The following WDR47 variants were observed in gnomAD, a reference collection of about 807,000 sequenced individuals.
The protein encoded by WDR47 is WD repeat-containing protein 47.
Under a neutral mutation model 97.2 loss-of-function variants are expected in WDR47, and 32 were observed. That is an observed-to-expected ratio of 0.33 (90% CI 0.25 to 0.44). The LOEUF (loss-of-function observed/expected upper bound fraction) is 0.44. Among genes scored for constraint, WDR47 ranks in the 20% least tolerant of loss-of-function variants. The pLI is 1.00. For missense variants in WDR47, 782 were observed against 1,102.3 expected, an observed-to-expected ratio of 0.71 and a Z score of 4.11; for synonymous variants, 375 against 373.5, an observed-to-expected ratio of 1.00 and a Z score of -0.05.
intron 1 of WDR47, among the ~76,000 whole-genome samples, chr1:109,037,717 CAA>C (rs1447491818): frequency 6.7e-6 from 1 of 150,220 alleles, no homozygotes; most frequent in Non-Finnish European, 1.5e-5. Flanking sequence ...ATCACAACAA[CAA>C]GAGTCACAAA....
At chr1:108,975,733 C>G (rs1249629413) in intron 13 of WDR47, among the ~76,000 whole-genome samples, 1 of 149,606 alleles carries the variant, frequency 6.7e-6, no homozygotes, top group Non-Finnish European at 1.5e-5. Flanking sequence ...TCTAGGAAGA[C>G]TTCATAAAAA....
At chr1:109,010,095 C>A (rs1660921710) in intron 5 of WDR47, among the ~76,000 whole-genome samples, 1 of 152,094 alleles carries the variant, frequency 6.6e-6, no homozygotes, top group African/African-American at 2.4e-5. Context: ...CATACTATTA[C>A]TCTTCTATAT....
At position 108,991,311 on chromosome 1, in the gene WDR47, G is replaced by A; in HGVS notation, c.1710C>T (p.Val570=). The A allele has an allele frequency of 6.2e-7, 1 of 1,612,156 alleles. No homozygotes were observed. The highest frequency in any genetic ancestry group is 8.5e-7 in the Non-Finnish European group (1 of 1,178,660). Residue 570 remains valine (V), a synonymous_variant, in exon 9 of 15, where the codon GTC becomes GTT. Coordinates refer to ENST00000369962, the MANE Select transcript of WDR47 (RefSeq NM_001142551.2). ...GAGAATCTCCAAGAGGTGGCTTAAT[G>A]ACCGAATGTTCTGAAGAGCTGTGGG... The part of the protein sequence containing the change: ...CGSQISSEHS[V]IKPPLGDSPG...
chr1:108,995,953 G>C (rs1194017153), intron 7 of WDR47, 116 bp from the exon 8 acceptor site: 1 of 1,066,164 alleles, frequency 9.4e-7, no homozygotes, highest in Non-Finnish European at 1.3e-6. Context: ...ATAATCTATG[G>C]CAAATTTAGT....
intron 13 of WDR47, 27 bp downstream of exon 13, chr1:108,981,706 A>G (rs1280783755): frequency 6.3e-7 from 1 of 1,597,340 alleles, no homozygotes; most frequent in East Asian, 2.3e-5. Context: ...TTTTTTTCCC[A>G]TATATATCAT....
At chr1:109,009,425 A>G (rs775691832) in intron 5 of WDR47, among the ~76,000 whole-genome samples, 1 of 152,246 alleles carries the variant, frequency 6.6e-6, no homozygotes, top group Non-Finnish European at 1.5e-5. Flanking sequence ...CTTCATATGT[A>G]TAAGAATCAC....
In WDR47 at chr1:109,013,930, G is replaced by T. The variant is rs2101956603; in HGVS notation, c.243-5C>A. The T allele has an allele frequency of 1.9e-6, 3 of 1,598,148 alleles. No individual in the cohort carries two copies. The highest frequency in any genetic ancestry group is 2.6e-6 in the Non-Finnish European group (3 of 1,173,626). On this transcript the variant is annotated splice_region_variant and splice_polypyrimidine_tract_variant and intron_variant, in intron 3 of 14. Coordinates refer to ENST00000369962, the MANE Select transcript of WDR47 (RefSeq NM_001142551.2). ...TTCAGGATAATATAACGAAACCTGTGGGAAAAAAATGAAGCATTAATTTTT... is the reference window on the plus strand; with the variant it reads ...TTCAGGATAATATAACGAAACCTGTTGGAAAAAAATGAAGCATTAATTTTT...
At position 109,011,695 on chromosome 1, in the gene WDR47, A is replaced by C; in HGVS notation, c.351T>G (p.Ala117=). 6.3e-7 allele frequency: 1 copy of C among 1,593,052 alleles called. No individual in the cohort carries two copies. Residue 117 remains alanine, a synonymous_variant, in exon 5 of 15, where the codon GCT becomes GCG. Transcript: ENST00000369962. ...CTTCTAGAGCATGTAAACATTGCAC[A>C]GCTTCTTGCATGGTAAATTCCAGCT... ...PQHLEFTMQE[A]VQCLHALEEY...
chr1:109,019,693 TTG>T (rs1360607709), intron 2 of WDR47, among the ~76,000 whole-genome samples: 1 of 152,160 alleles, frequency 6.6e-6, no homozygotes, highest in Non-Finnish European at 1.5e-5. Context: ...CTGCTCTACA[TTG>T]TGAATTCTAT....
At position 108,974,527 on chromosome 1, in the gene WDR47, C is replaced by T. The variant is rs1657733988; in HGVS notation, c.2617+9G>A. ...AAAGACTAAAAACAGAGAAGTCGAT[C>T]TCAATCACCTTGTAGGTCTGTCACC... On this transcript the variant is annotated intron_variant, in intron 14 of 14. Coordinates refer to ENST00000369962, the MANE Select transcript of WDR47 (RefSeq NM_001142551.2). 5.6e-6 allele frequency: 9 copies of T among 1,611,100 alleles called. No individual in the cohort carries two copies. Among genetic ancestry groups the T allele is most frequent in the Middle Eastern group, 1.7e-4 (1 of 5,990 alleles).
chr1:108,975,923 A>G (rs1657854259), intron 13 of WDR47, among the ~76,000 whole-genome samples: 2 of 152,196 alleles, frequency 1.3e-5, no homozygotes, highest in African/African-American at 4.8e-5. Context: ...GTTTAGAGGA[A>G]AAGTATAAAA....
intron 1 of WDR47, among the ~76,000 whole-genome samples, chr1:109,027,827 C>T (rs1662318164): frequency 6.6e-6 from 1 of 151,920 alleles, no homozygotes; most frequent in Admixed American, 6.6e-5. Flanking sequence ...CAGCTATATA[C>T]ATATTTTAAA....
At chr1:109,018,365 G>A (rs1023579323) in intron 2 of WDR47, among the ~76,000 whole-genome samples, 3 of 151,496 alleles carry the variant, frequency 2.0e-5, no homozygotes, top group East Asian at 2.0e-4. Flanking sequence ...GAACCTGGGC[G>A]GCAGAGGTTG....
At chr1:109,022,666 C>T (rs143672897) in intron 2 of WDR47, among the ~76,000 whole-genome samples, 40 of 152,086 alleles carry the variant, frequency 2.6e-4, no homozygotes, top group African/African-American at 9.7e-4. Context: ...CTCACTGGAA[C>T]CTCCGTCTCC....
Position 108,995,706 on chromosome 1 carries a change from G to A in WDR47, c.1565C>T (p.Thr522Ile), listed in dbSNP as rs144487132. 4 of 1,614,010 alleles carry A rather than the reference G, an allele frequency of 2.5e-6. No individual in the cohort carries two copies. Among genetic ancestry groups the A allele is most frequent in the African/African-American group, 2.7e-5 (2 of 74,930 alleles). ...TCTCTGACTAGAGTCTTGGGGTGGT[G>A]TAGTAAAACTAGTCACAGAAGAACC... The part of the protein sequence containing the change: ...SNGSSVTSFT[T>I]PPQDSSQRLT... The change falls in exon 8 of 15, where the codon ACA becomes ATA. Residue 522 changes from threonine to isoleucine, a missense_variant. Thr to Ile is a moderately conservative substitution (Grantham distance 89, BLOSUM62 -1). Coordinates refer to ENST00000369962, the MANE Select transcript of WDR47 (RefSeq NM_001142551.2).
At chr1:109,000,921 A>G (rs1660136898) in intron 7 of WDR47, among the ~76,000 whole-genome samples, 1 of 152,198 alleles carries the variant, frequency 6.6e-6, no homozygotes, top group Admixed American at 6.6e-5. Flanking sequence ...TGTTGTAAGC[A>G]CATTTGCATA....
intron 1 of WDR47, among the ~76,000 whole-genome samples, chr1:109,034,622 T>G (rs941611404): frequency 5.3e-5 from 8 of 152,100 alleles, no homozygotes; most frequent in African/African-American, 1.9e-4. Context: ...TAGATTCTCA[T>G]AGGAGCACGG....
intron 3 of WDR47, 141 bp from the exon 4 acceptor site, chr1:109,014,066 A>T: frequency 1.7e-6 from 1 of 572,096 alleles, no homozygotes; most frequent in Non-Finnish European, 3.0e-6. Context: ...CCATAACTGA[A>T]GTTCAGTCAC....
chr1:108,984,855 C>T lies in WDR47; in HGVS notation c.1926-1404G>A, dbSNP rs143154319. 6.3e-3 allele frequency among the ~76,000 whole-genome samples: 955 copies of T among 152,066 alleles called. 2 individuals carry two copies. Among genetic ancestry groups the T allele is most frequent in the African/African-American group, 0.021 (879 of 41,462 alleles). ...GTCGTGCCAGTGCACTCCAGCCTGG[C>T]GACAGAGTGAGACTCTGTCTCAAAA... On this transcript the variant is annotated intron_variant, in intron 10 of 14. Transcript: ENST00000369962.
Sources: gnomAD v4.1 joint callset for allele counts (sites outside exome capture counted in the v4.1 genomes callset) on GRCh38, gnomAD v4.1.1 for gene constraint, MANE v1.5 for transcripts, NCBI Gene and HGNC (gene_info 2026-07-23, HGNC 2026-07-21) for gene names.